ARHGAP32: variants seen among roughly 807,000 people sequenced by gnomAD.
ARHGAP32 encodes Rho GTPase activating protein 32.
A neutral mutation model predicts 186.5 loss-of-function variants in ARHGAP32; 51 were observed. The ratio of observed to expected loss-of-function variants is 0.27; its 90% CI spans 0.22 to 0.35. The LOEUF is 0.35. Among genes scored for constraint, ARHGAP32 ranks in the 10% least tolerant of loss-of-function variants. ARHGAP32 has a pLI of 1.00. For missense variants in ARHGAP32, 2,186 were observed against 2,623.5 expected (o/e 0.83, Z 3.64); for synonymous variants, 950 against 964.3 (o/e 0.99, Z 0.27).
intron 1 of ARHGAP32, among the ~76,000 whole-genome samples, chr11:129,203,718 CAAAAAA>C (rs375747287): frequency 4.9e-5 from 4 of 81,604 alleles, no homozygotes; most frequent in Non-Finnish European, 7.2e-5. Flanking sequence ...CTTGTCTCTA[CAAAAAA>C]AAAAAAAAAA....
intron 13 of ARHGAP32, 112 bp from the exon 14 acceptor site, chr11:128,986,780 G>T: frequency 1.1e-6 from 1 of 940,282 alleles, no homozygotes; most frequent in Non-Finnish European, 1.6e-6. Flanking sequence ...TCAGTGAGTT[G>T]CTATTATCTT....
chr11:128,977,284 G>A (rs771433725), intron 19 of ARHGAP32, among the ~76,000 whole-genome samples: 7 of 152,192 alleles, frequency 4.6e-5, no homozygotes, highest in South Asian at 4.1e-4. Context: ...GTAACTTTAC[G>A]TACATATGTG....
intron 6 of ARHGAP32, among the ~76,000 whole-genome samples, chr11:129,075,576 C>T (rs1023625720): frequency 6.6e-6 from 1 of 152,026 alleles, no homozygotes; most frequent in South Asian, 2.1e-4. Flanking sequence ...TAACACCCCC[C>T]TATTAGAAAT....
intron 1 of ARHGAP32, among the ~76,000 whole-genome samples, chr11:129,274,906 TA>T (rs74951555): frequency 1.6e-3 from 217 of 135,106 alleles, no homozygotes; most frequent in South Asian, 3.3e-3. Flanking sequence ...TTCATCTTTC[TA>T]AAAAAAAAAA....
chr11:129,183,387 T>G (rs537536547), intron 1 of ARHGAP32, among the ~76,000 whole-genome samples: 3 of 152,186 alleles, frequency 2.0e-5, no homozygotes, highest in Non-Finnish European at 4.4e-5. Flanking sequence ...TCACATTAAA[T>G]TTATAAATTA....
intron 11 of ARHGAP32, among the ~76,000 whole-genome samples, chr11:129,018,748 AT>A (rs1369855380): frequency 6.6e-6 from 1 of 152,182 alleles, no homozygotes; most frequent in Non-Finnish European, 1.5e-5. Flanking sequence ...AACTCTACAA[AT>A]CTTTTAAATA....
chr11:129,203,356 T>C (rs1028330804), intron 1 of ARHGAP32, among the ~76,000 whole-genome samples: 1 of 152,072 alleles, frequency 6.6e-6, no homozygotes, highest in Non-Finnish European at 1.5e-5. Flanking sequence ...ATTCAACATG[T>C]GCAAGTAGTA....
At chr11:129,063,032 TC>T (rs1940562955) in intron 9 of ARHGAP32, among the ~76,000 whole-genome samples, 1 of 152,080 alleles carries the variant, frequency 6.6e-6, no homozygotes, top group African/African-American at 2.4e-5. Flanking sequence ...AATAATATAT[TC>T]AATGGAAGTT....
intron 11 of ARHGAP32, among the ~76,000 whole-genome samples, chr11:129,008,237 T>C (rs1415297397): frequency 6.6e-6 from 1 of 152,170 alleles, no homozygotes; most frequent in East Asian, 1.9e-4. Context: ...TTTATGCGTA[T>C]AGTTGTGAAA....
At position 129,209,019 on chromosome 11, in the gene ARHGAP32, T is replaced by G. The variant is rs567594582; in HGVS notation, c.-4-44592A>C. Among the ~76,000 whole-genome samples the G allele has an allele frequency of 2.6e-5, 4 of 152,074 alleles. 1 individual carries two copies. Among genetic ancestry groups the G allele is most frequent in the African/African-American group, 9.7e-5 (4 of 41,424 alleles). ...GATATGAGTATGCCACAAGAAAGAATGGTAATTTAAACAGCATTGTTTTCC... is the reference window on the plus strand; with the variant it reads ...GATATGAGTATGCCACAAGAAAGAAGGGTAATTTAAACAGCATTGTTTTCC... On this transcript the variant is annotated intron_variant, in intron 1 of 6. Coordinates refer to the ARHGAP32 transcript ENST00000525234.
intron 2 of ARHGAP32, among the ~76,000 whole-genome samples, chr11:129,132,957 T>A (rs1345534100): frequency 6.6e-6 from 1 of 152,170 alleles, no homozygotes; most frequent in Non-Finnish European, 1.5e-5. Flanking sequence ...TGGCTTAGCT[T>A]AATAAAATAC....
intron 11 of ARHGAP32, among the ~76,000 whole-genome samples, chr11:129,015,018 G>T (rs1021067686): frequency 3.9e-5 from 6 of 152,060 alleles, no homozygotes; most frequent in Admixed American, 3.3e-4. Flanking sequence ...TGAATATGAA[G>T]AAAGAATTTT....
At chr11:129,244,581 G>A (rs988443063) in intron 1 of ARHGAP32, among the ~76,000 whole-genome samples, 4 of 151,952 alleles carry the variant, frequency 2.6e-5, no homozygotes, top group African/African-American at 9.7e-5. Flanking sequence ...GGCAACAAAA[G>A]ACAAAATTGA....
chr11:129,273,650 A>C (rs934332086), intron 1 of ARHGAP32, among the ~76,000 whole-genome samples: 1 of 152,132 alleles, frequency 6.6e-6, no homozygotes, highest in Non-Finnish European at 1.5e-5. Context: ...TGAAGATGCT[A>C]CTCATCTTAA....
chr11:129,239,233 A>G (rs1396625946), intron 1 of ARHGAP32, among the ~76,000 whole-genome samples: 1 of 152,190 alleles, frequency 6.6e-6, no homozygotes, highest in East Asian at 1.9e-4. Flanking sequence ...TAGTCTTTCT[A>G]CTTCTAGTCT....
At chr11:129,209,558 C>CTT (rs1248976235) in intron 1 of ARHGAP32, among the ~76,000 whole-genome samples, 3 of 151,910 alleles carry the variant, frequency 2.0e-5, no homozygotes, top group African/African-American at 7.3e-5. Flanking sequence ...GAGCTGAATT[C>CTT]TTATGTCAGA....
At chr11:129,227,748 C>T (rs1018342525) in intron 1 of ARHGAP32, among the ~76,000 whole-genome samples, 2 of 152,020 alleles carry the variant, frequency 1.3e-5, no homozygotes, top group African/African-American at 4.8e-5. Flanking sequence ...ATACATGAAA[C>T]AAAACTGACA....
At chr11:129,090,650 C>T (rs1023006436) in intron 6 of ARHGAP32, among the ~76,000 whole-genome samples, 1 of 152,014 alleles carries the variant, frequency 6.6e-6, no homozygotes, top group Admixed American at 6.6e-5. Flanking sequence ...AAAAAAACGC[C>T]CACCACAGAT....
chr11:129,197,316 CA>C (rs1329819102), upstream of ARHGAP32, among the ~76,000 whole-genome samples: 1 of 152,138 alleles, frequency 6.6e-6, no homozygotes, highest in Non-Finnish European at 1.5e-5. Flanking sequence ...GGTTCACTAT[CA>C]GGGGAGGGGT....
Sources: allele counts gnomAD v4.1 joint callset (sites outside exome capture counted in the v4.1 genomes callset), GRCh38; gene constraint gnomAD v4.1.1; transcripts MANE v1.5; gene names NCBI Gene and HGNC (gene_info 2026-07-23, HGNC 2026-07-21).